The following STK3 variants were observed in gnomAD, a reference collection of about 807,000 sequenced individuals.
STK3 encodes serine/threonine kinase 3.
STK3 carries 41 observed loss-of-function variants against 58.0 expected under a neutral mutation model. The observed-to-expected ratio is 0.71, with a 90% CI of 0.55 to 0.92. The LOEUF (loss-of-function observed/expected upper bound fraction) is 0.92. STK3 is among the 40% of genes least tolerant of loss of function. The probability of loss-of-function intolerance (pLI) is 0.00; values close to 1 mark genes in which losing one functional copy is unlikely to be tolerated. For synonymous variants in STK3, 170 were observed against 191.0 expected, an observed-to-expected ratio of 0.89 and a Z score of 0.91; for missense variants, 479 against 602.7, an observed-to-expected ratio of 0.79 and a Z score of 2.15.
intron 7 of STK3, among the ~76,000 whole-genome samples, chr8:98,580,216 G>A (rs1049188366): frequency 1.3e-5 from 2 of 152,112 alleles, no homozygotes; most frequent in African/African-American, 4.8e-5. Flanking sequence ...GCCAAAAGGA[G>A]AGCAACTATT....
In STK3 at chr8:98,937,008, C is replaced by T. The variant is rs182471062; in HGVS notation, c.-79+5370G>A. Among the ~76,000 whole-genome samples, 15 of 152,324 alleles carry T rather than the reference C, an allele frequency of 9.8e-5. No homozygotes were observed. The East Asian group carries it at 2.7e-3, about 27-fold the overall frequency. Reference sequence around the variant, plus strand: ...AGGGGGGCTTCTCATACTGGTATGTCTCCAGATCCATTGAAGTTTTCTGTG... The same window carrying T: ...AGGGGGGCTTCTCATACTGGTATGTTTCCAGATCCATTGAAGTTTTCTGTG... On this transcript the variant is annotated intron_variant, in intron 1 of 1. Coordinates refer to the STK3 transcript ENST00000519420.
At chr8:98,468,579 T>C (rs930658235) in intron 10 of STK3, among the ~76,000 whole-genome samples, 4 of 152,234 alleles carry the variant, frequency 2.6e-5, no homozygotes, top group Non-Finnish European at 5.9e-5. Context: ...TTCATTAATA[T>C]TTGTTTTAAA....
At chr8:98,762,652 G>T (rs1021557969) in intron 3 of STK3, among the ~76,000 whole-genome samples, 7 of 152,194 alleles carry the variant, frequency 4.6e-5, no homozygotes, top group African/African-American at 1.4e-4. Context: ...GTAAAAAGGG[G>T]ATAAGTGTGT....
chr8:98,500,851 A>T (rs1189989919), intron 10 of STK3, among the ~76,000 whole-genome samples: 3 of 152,192 alleles, frequency 2.0e-5, no homozygotes, highest in Non-Finnish European at 4.4e-5. Context: ...GCTATTGTGA[A>T]TAGTGCCACA....
chr8:98,820,894 C>T (rs1295579379), intron 1 of STK3, among the ~76,000 whole-genome samples: 2 of 152,148 alleles, frequency 1.3e-5, no homozygotes, highest in Non-Finnish European at 2.9e-5. Flanking sequence ...AGGATAATGG[C>T]GTGAACCTGG....
At chr8:98,736,016 C>G (rs867997454) in intron 4 of STK3, among the ~76,000 whole-genome samples, 1 of 151,900 alleles carries the variant, frequency 6.6e-6, no homozygotes. Context: ...AAAAGGCCAA[C>G]AGAAACAACA....
chr8:98,766,267 T>C (rs1262534850), intron 3 of STK3, among the ~76,000 whole-genome samples: 1 of 152,204 alleles, frequency 6.6e-6, no homozygotes, highest in African/African-American at 2.4e-5. Context: ...AAAAGTATCT[T>C]AGTTCTTTTG....
At chr8:98,938,039 G>C (rs554097004) in intron 1 of STK3, among the ~76,000 whole-genome samples, 2 of 152,298 alleles carry the variant, frequency 1.3e-5, no homozygotes, top group South Asian at 2.1e-4. Context: ...CTTTGTCAAA[G>C]TGGAGATGAT....
intron 4 of STK3, among the ~76,000 whole-genome samples, chr8:98,741,345 G>T (rs901177270): frequency 2.6e-5 from 4 of 152,134 alleles, no homozygotes; most frequent in African/African-American, 9.7e-5. Flanking sequence ...ATAGTTGGAA[G>T]TAAAGCTCTC....
chr8:98,861,656 T>C (rs1836943020), intron 3 of STK3, among the ~76,000 whole-genome samples: 1 of 152,090 alleles, frequency 6.6e-6, no homozygotes, highest in Non-Finnish European at 1.5e-5. Context: ...ACCCATTTAT[T>C]TGGATATTTA....
intron 6 of STK3, among the ~76,000 whole-genome samples, chr8:98,697,552 A>G (rs201781974): frequency 1.3e-5 from 2 of 151,982 alleles, no homozygotes; most frequent in Admixed American, 6.6e-5. Flanking sequence ...ATTCTTGTAT[A>G]TTGTGTCTTT....
At chr8:98,705,871 A>G (rs923894635) in intron 6 of STK3, among the ~76,000 whole-genome samples, 7 of 152,220 alleles carry the variant, frequency 4.6e-5, no homozygotes, top group African/African-American at 1.7e-4. Flanking sequence ...TGCAAAATAT[A>G]TATTTCAAAC....
At chr8:98,370,480 T>C (rs549869113), downstream of STK3, among the ~76,000 whole-genome samples, 1 of 152,108 alleles carries the variant, frequency 6.6e-6, no homozygotes, top group South Asian at 2.1e-4. Flanking sequence ...ACTCATCTTA[T>C]GCCTGAAAAG....
At chr8:98,798,096 A>G (rs1289626478) in intron 1 of STK3, among the ~76,000 whole-genome samples, 3 of 152,224 alleles carry the variant, frequency 2.0e-5, no homozygotes, top group African/African-American at 7.2e-5. Flanking sequence ...AGCCATCCAC[A>G]TGATACAGCA....
chr8:98,524,979 TA>T (rs1220005059), intron 10 of STK3, among the ~76,000 whole-genome samples: 2 of 152,308 alleles, frequency 1.3e-5, no homozygotes, highest in East Asian at 1.9e-4. Context: ...GAAGCAAAGT[TA>T]AATCATTTTA....
At chr8:98,743,605 A>C (rs542107135) in intron 4 of STK3, among the ~76,000 whole-genome samples, 8 of 152,314 alleles carry the variant, frequency 5.3e-5, no homozygotes, top group Non-Finnish European at 7.4e-5. Context: ...TAAAGACTTA[A>C]ACGTTAGACC....
chr8:98,663,870 T>C (rs1822147693), intron 6 of STK3, among the ~76,000 whole-genome samples: 1 of 152,174 alleles, frequency 6.6e-6, no homozygotes, highest in Non-Finnish European at 1.5e-5. Flanking sequence ...ACATAGTCTT[T>C]AATACTTTCT....
At chr8:98,763,471 T>C (rs1451448492) in intron 3 of STK3, among the ~76,000 whole-genome samples, 1 of 152,228 alleles carries the variant, frequency 6.6e-6, no homozygotes, top group Non-Finnish European at 1.5e-5. Context: ...CTGAATGTAT[T>C]AAGAAAATAG....
chr8:98,755,656 T>C (rs1233909760), intron 3 of STK3, among the ~76,000 whole-genome samples: 1 of 152,258 alleles, frequency 6.6e-6, no homozygotes, highest in African/African-American at 2.4e-5. Flanking sequence ...AGTTCATATG[T>C]ATACAGTGGC....
Sources: allele counts gnomAD v4.1 joint callset (sites outside exome capture counted in the v4.1 genomes callset), GRCh38; gene constraint gnomAD v4.1.1; transcripts MANE v1.5; gene names NCBI Gene and HGNC (gene_info 2026-07-23, HGNC 2026-07-21).